HIVEP1: variants seen among roughly 807,000 people sequenced by gnomAD.
HIVEP1 encodes HIVEP zinc finger 1.
Under a neutral mutation model 180.0 loss-of-function variants are expected in HIVEP1, and 36 were observed. That is an observed-to-expected ratio of 0.20 (90% confidence interval 0.15 to 0.26). The LOEUF (loss-of-function observed/expected upper bound fraction) is 0.26. Ranked by LOEUF, HIVEP1 falls within the 10% of genes least tolerant of loss-of-function variation. HIVEP1 has a pLI of 1.00. For synonymous variants in HIVEP1, 1,239 were observed against 1,239.0 expected (o/e 1.00, Z 0.00); for missense variants, 3,143 against 3,268.7 (o/e 0.96, Z 0.94).
the HIVEP1 span, among the ~76,000 whole-genome samples, chr6:12,199,609 C>T: frequency 6.6e-6 from 1 of 152,108 alleles, no homozygotes; most frequent in Admixed American, 6.5e-5. Flanking sequence ...GATCTGCCCA[C>T]CTCGGCCTCC....
At chr6:12,065,799 C>G (rs954309492) in intron 2 of HIVEP1, among the ~76,000 whole-genome samples, 7 of 151,962 alleles carry the variant, frequency 4.6e-5, no homozygotes, top group African/African-American at 1.7e-4. Context: ...ATTTGCCTAA[C>G]TTGGTTTCTA....
At chr6:12,079,662 G>A (rs559218604) in intron 2 of HIVEP1, among the ~76,000 whole-genome samples, 54 of 152,278 alleles carry the variant, frequency 3.5e-4, no homozygotes, top group African/African-American at 1.3e-3. Context: ...AAGGTTGGCC[G>A]CATGTTGGAA....
the HIVEP1 span, among the ~76,000 whole-genome samples, chr6:12,191,731 G>A: frequency 6.6e-6 from 1 of 152,136 alleles, no homozygotes; most frequent in Non-Finnish European, 1.5e-5. Context: ...TAGTTACAGA[G>A]CTGAACTTTA....
At chr6:12,088,468 A>G (rs1301875222) in intron 2 of HIVEP1, among the ~76,000 whole-genome samples, 1 of 152,140 alleles carries the variant, frequency 6.6e-6, no homozygotes, top group Non-Finnish European at 1.5e-5. Flanking sequence ...TATTATTGAA[A>G]TAGAGCATGC....
the HIVEP1 span, among the ~76,000 whole-genome samples, chr6:12,173,010 G>A: frequency 6.6e-6 from 1 of 151,980 alleles, no homozygotes; most frequent in African/African-American, 2.4e-5. Flanking sequence ...GATATAATAG[G>A]AGCCATAAAA....
At chr6:12,117,850 A>G (rs1172737482) in intron 3 of HIVEP1, among the ~76,000 whole-genome samples, 1 of 152,094 alleles carries the variant, frequency 6.6e-6, no homozygotes, top group Admixed American at 6.5e-5. Flanking sequence ...CCTTTATGAT[A>G]CCCACATCTA....
At chr6:12,187,433 T>C in the HIVEP1 span, among the ~76,000 whole-genome samples, 1 of 152,028 alleles carries the variant, frequency 6.6e-6, no homozygotes, top group African/African-American at 2.4e-5. Flanking sequence ...GCCTGGCACC[T>C]CACCCATCCC....
rs373558322 is a variant in HIVEP1 at position 12,121,259 on chromosome 6, C to T, written c.1464C>T (p.Asp488=). The T allele has an allele frequency of 1.4e-4, 224 of 1,614,116 alleles. No homozygotes were observed. The highest frequency in any genetic ancestry group is 8.2e-4 in the Middle Eastern group (5 of 6,062). The part of the protein sequence containing the change: ...ESPKALSIHS[D]VEDSGESEEE... ...CCAAAGCACTTAGTATTCATTCAGACGTAGAAGACAGTGGGGAGAGCGAGG... is the reference window on the plus strand; with the variant it reads ...CCAAAGCACTTAGTATTCATTCAGATGTAGAAGACAGTGGGGAGAGCGAGG... Residue 488 remains aspartate, a synonymous_variant, in exon 4 of 9, where the codon GAC becomes GAT. Transcript: ENST00000379388. The surrounding 1 kb of genome is among the most constrained non-coding windows in gnomAD (Gnocchi z 5.3).
At chr6:12,172,093 G>A in the HIVEP1 span, among the ~76,000 whole-genome samples, 4 of 152,146 alleles carry the variant, frequency 2.6e-5, no homozygotes, top group South Asian at 4.1e-4. Flanking sequence ...AGGACCAGGC[G>A]GACATTTCTC....
At position 12,164,812 on chromosome 6, in the gene HIVEP1, G is replaced by C. The variant is rs1200476232; in HGVS notation, c.*351G>C. ...TGATTAAATTATATGTTCCACTGTT[G>C]AATATAAATTTTATGGCTATGGGGC... On this transcript the variant is annotated 3_prime_UTR_variant, in exon 9 of 9. Coordinates refer to ENST00000379388, the MANE Select transcript of HIVEP1 (RefSeq NM_002114.4). 2 of 178,460 alleles carry C rather than the reference G, an allele frequency of 1.1e-5. No individual in the cohort carries two copies. The highest frequency in any genetic ancestry group is 4.8e-5 in the African/African-American group (2 of 41,658). The allele number at this position is 178,460 out of a possible 1,614,324, so 11.1% of individuals were successfully genotyped here. A position where few individuals can be genotyped will look rare whatever the true frequency, so the allele number is the denominator to read the frequency against.
intron 3 of HIVEP1, among the ~76,000 whole-genome samples, chr6:12,112,955 A>G (rs1421987933): frequency 6.6e-6 from 1 of 152,054 alleles, no homozygotes; most frequent in Non-Finnish European, 1.5e-5. Context: ...CTGTGGTGAC[A>G]TCTGCTGCCC....
chr6:12,077,007 A>G (rs1317332691), intron 2 of HIVEP1, among the ~76,000 whole-genome samples: 1 of 152,182 alleles, frequency 6.6e-6, no homozygotes, highest in African/African-American at 2.4e-5. Context: ...GGGATGATGT[A>G]TATCAAATAG....
chr6:12,141,781 C>G (rs1759052810), intron 7 of HIVEP1, among the ~76,000 whole-genome samples: 2 of 135,686 alleles, frequency 1.5e-5, no homozygotes, highest in Admixed American at 1.6e-4. Flanking sequence ...TCAGAAGAGA[C>G]AAAGAAGGCC....
chr6:12,181,260 T>C, the HIVEP1 span, among the ~76,000 whole-genome samples: 1 of 151,790 alleles, frequency 6.6e-6, no homozygotes, highest in African/African-American at 2.4e-5. Flanking sequence ...CTCGGGAGGC[T>C]GAGGCAGGAG....
At chr6:12,190,943 CA>C in the HIVEP1 span, among the ~76,000 whole-genome samples, 2 of 152,046 alleles carry the variant, frequency 1.3e-5, no homozygotes, top group African/African-American at 4.8e-5. Context: ...CCCTGATTTT[CA>C]GTATTTAAAA....
In HIVEP1 at chr6:12,124,965, C is replaced by T. The variant is rs1757966446; in HGVS notation, c.5170C>T (p.Pro1724Ser). Residue 1724 changes from proline (P) to serine (S), a missense_variant, in exon 4 of 9, where the codon CCC becomes TCC. Around this residue, in one of 12 missense-constraint regions of HIVEP1, gnomAD observed 1,357 missense variants for 1,260.5 expected, o/e 1.08. Coordinates refer to ENST00000379388, the MANE Select transcript of HIVEP1 (RefSeq NM_002114.4). Reference protein sequence around the residue: ...SQNSSLSESLPITQKISVGRL... With the variant: ...SQNSSLSESLSITQKISVGRL... ...AAATTCTTCTCTATCAGAATCCTTG[C>T]CCATAACTCAGAAAATATCTGTTGG... The T allele has an allele frequency of 6.2e-7, 1 of 1,614,106 alleles. No homozygotes were observed. Among genetic ancestry groups the T allele is most frequent in the Middle Eastern group, 1.6e-4 (1 of 6,062 alleles).
intron 7 of HIVEP1, among the ~76,000 whole-genome samples, chr6:12,138,947 C>G (rs558123655): frequency 1.3e-5 from 2 of 151,786 alleles, no homozygotes; most frequent in Admixed American, 6.6e-5. Flanking sequence ...CTCTTCACTT[C>G]AAAATGTCTT....
intron 3 of HIVEP1, among the ~76,000 whole-genome samples, chr6:12,119,091 C>T (rs1184989897): frequency 1.3e-5 from 2 of 152,186 alleles, no homozygotes; most frequent in Non-Finnish European, 2.9e-5. Flanking sequence ...AACACTGAAT[C>T]ACTGGATTTT....
At chr6:12,096,754 G>A (rs1455844825) in intron 3 of HIVEP1, among the ~76,000 whole-genome samples, 1 of 151,878 alleles carries the variant, frequency 6.6e-6, no homozygotes, top group African/African-American at 2.4e-5. Context: ...ATTCTGCTGA[G>A]TATAATTAAG....
Sources: gnomAD v4.1 joint callset for allele counts (sites outside exome capture counted in the v4.1 genomes callset) on GRCh38, gnomAD v4.1.1 for gene constraint, gnomAD v4.1.1 regional missense constraint, Gnocchi (gnomAD v3.1) non-coding constraint, MANE v1.5 for transcripts, NCBI Gene and HGNC (gene_info 2026-07-23, HGNC 2026-07-21) for gene names.